NYX: variants seen among roughly 807,000 people sequenced by gnomAD.
NYX encodes the protein leucine-rich repeat protein.
For synonymous variants in NYX, 258 were observed against 245.7 expected (o/e 1.05, Z -0.47); for missense variants, 481 against 485.4 (o/e 0.99, Z 0.09).
intron 2 of NYX, among the ~76,000 whole-genome samples, chrX:41,454,913 T>A (rs1017151532): frequency 1.9e-4 from 21 of 111,021 alleles, no homozygotes; most frequent in Non-Finnish European, 3.6e-4. Context: ...GGCCTCCACA[T>A]GGTCTTTGAA....
chrX:41,453,881 C>T (rs5963989), intron 2 of NYX, among the ~76,000 whole-genome samples: 4,355 of 112,755 alleles, frequency 0.039, 110 homozygotes, highest in African/African-American at 0.093. Flanking sequence ...CTGCTGTGAA[C>T]GTGCATGTGC....
chrX:41,460,858 C>T (rs3013116), intron 2 of NYX, among the ~76,000 whole-genome samples: 23,652 of 83,502 alleles, frequency 0.28, 3,017 homozygotes, highest in South Asian at 0.57. Context: ...TTTATGTAAG[C>T]GGAGTCACAC....
intron 2 of NYX, among the ~76,000 whole-genome samples, chrX:41,453,209 C>T (rs1258457554): frequency 1.8e-5 from 2 of 111,654 alleles, no homozygotes; most frequent in Non-Finnish European, 3.8e-5. Flanking sequence ...AAGCCGAGGG[C>T]TTAGGAAAGA....
chrX:41,473,570 C>A lies in NYX; in HGVS notation c.102C>A (p.Thr34=). 9.9e-7 allele frequency: 1 copy of A among 1,012,519 alleles called. No individual in the cohort carries two copies. The highest frequency in any genetic ancestry group is 2.7e-5 in the South Asian group (1 of 36,414). The allele number at this position is 1,012,519 out of a possible 1,213,427, so 83.4% of individuals were successfully genotyped here. A position where few individuals can be genotyped will look rare whatever the true frequency, so the allele number is the denominator to read the frequency against. The change falls in exon 3 of 3, where the codon ACC becomes ACA. Residue 34 remains threonine (T), a synonymous_variant. Transcript: ENST00000378220. ...GTCCCGCCGCCTGCGCCTGCAGCAC[C>A]GTGGAGCGCGGCTGCTCGGTGCGCT... ...RACPAACACS[T]VERGCSVRCD...
intron 2 of NYX, chrX:41,472,526 T>A (rs111666247): frequency 1.7e-6 from 1 of 597,293 alleles, no homozygotes; most frequent in Non-Finnish European, 2.8e-6. Context: ...TATGGAACAC[T>A]CCTGGATTTC....
chrX:41,464,670 C>CGTGTGT (rs768617215), intron 2 of NYX, among the ~76,000 whole-genome samples: 24,745 of 101,569 alleles, frequency 0.24, 2,417 homozygotes, highest in East Asian at 0.41. Context: ...ATGGGCCGTG[C>CGTGTGT]GTGTGTGTGT....
intron 2 of NYX, among the ~76,000 whole-genome samples, chrX:41,460,222 C>T (rs1233987751): frequency 9.7e-6 from 1 of 103,501 alleles, no homozygotes. Flanking sequence ...GGCTGGAGTG[C>T]GGTGGTGCCA....
In NYX at chrX:41,474,377, C is replaced by T; in HGVS notation, c.909C>T (p.His303=). 1 of 1,208,158 alleles carries T rather than the reference C, an allele frequency of 8.3e-7. No individual in the cohort carries two copies. The highest frequency in any genetic ancestry group is 1.8e-5 in the South Asian group (1 of 57,047). The change falls in exon 3 of 3, where the codon CAC becomes CAT. Residue 303 remains histidine, a synonymous_variant. Transcript: ENST00000378220. ...ACCTCTCGGGTCTCCTCGCGCTGCA[C>T]CTCAACGGCAACCGCCTCACCGTGC... is the stretch of plus-strand genomic sequence containing the variant. ...FQNLSGLLAL[H]LNGNRLTVLA...
At chrX:41,471,848 T>TC in intron 2 of NYX, among the ~76,000 whole-genome samples, 1 of 97,920 alleles carries the variant, frequency 1.0e-5, no homozygotes, top group African/African-American at 3.7e-5. Context: ...TTTTTTTTTT[T>TC]CCCCTGGGGT....
intron 2 of NYX, among the ~76,000 whole-genome samples, chrX:41,464,913 A>G (rs965830269): frequency 9.0e-6 from 1 of 110,985 alleles, no homozygotes; most frequent in African/African-American, 3.3e-5. Context: ...CACTTTGGTT[A>G]ATAACTACTC....
chrX:41,473,770 T>C lies in NYX; in HGVS notation c.302T>C (p.Phe101Ser). 1 of 1,147,457 alleles carries C rather than the reference T, an allele frequency of 8.7e-7. No individual in the cohort carries two copies. Among genetic ancestry groups the C allele is most frequent in the Non-Finnish European group, 1.2e-6 (1 of 869,160 alleles). 94.6% of individuals were successfully genotyped at this position (1,147,457 alleles called of 1,213,427 possible). Residue 101 changes from phenylalanine to serine, a missense_variant, in exon 3 of 3, where the codon TTC becomes TCC. Coordinates refer to ENST00000378220, the MANE Select transcript of NYX (RefSeq NM_001378477.3). ...CTGTCCTTCATCACGCCCGGCGCCTTCAAGGGCCTGCCGCGCCTGGCTGAG... is the reference window on the plus strand; with the variant it reads ...CTGTCCTTCATCACGCCCGGCGCCTCCAAGGGCCTGCCGCGCCTGGCTGAG... ...NNLSFITPGAFKGLPRLAELR... is the reference protein window; with the variant it reads ...NNLSFITPGASKGLPRLAELR...
In NYX at chrX:41,460,876, A is replaced by ATTTTTT. The variant is rs59383905; in HGVS notation, c.23-12590_23-12585dup. On this transcript the variant is annotated intron_variant, in intron 2 of 2. Transcript: ENST00000378220. Reference sequence around the variant, plus strand: ...ATGTAAGCGGAGTCACACAGTATGTATTTTTTTTTTTTTTTTTTTTTTTTT... The same window carrying ATTTTTT: ...ATGTAAGCGGAGTCACACAGTATGTATTTTTTTTTTTTTTTTTTTTTTTTTTTTTTT... Among the ~76,000 whole-genome samples the ATTTTTT allele has an allele frequency of 1.6e-3, 39 of 24,744 alleles. 1 individual carries two copies. The highest frequency in any genetic ancestry group is 2.1e-3 in the Non-Finnish European group (30 of 14,507). The allele number at this position is 24,744 out of a possible 115,157, so 21.5% of individuals were successfully genotyped here.
chrX:41,472,741 AGCCTGG>A (rs2064366946), intron 2 of NYX: 1 of 301,196 alleles, frequency 3.3e-6, no homozygotes, highest in Non-Finnish European at 5.8e-6. Flanking sequence ...CGAGCCGCGG[AGCCTGG>A]GTTCCGCCTG....
At chrX:41,470,694 CA>C (rs554668854) in intron 2 of NYX, among the ~76,000 whole-genome samples, 91 of 57,323 alleles carry the variant, frequency 1.6e-3, no homozygotes, top group Admixed American at 5.4e-3. Context: ...GACTCTGTCT[CA>C]AAAAAAAAAA....
intron 2 of NYX, among the ~76,000 whole-genome samples, chrX:41,463,946 T>C (rs990133864): frequency 4.5e-5 from 5 of 111,936 alleles, no homozygotes; most frequent in South Asian, 3.7e-4. Flanking sequence ...AATTTTCATC[T>C]ACCAGCATTT....
chrX:41,462,377 G>T (rs1180461664), intron 2 of NYX, among the ~76,000 whole-genome samples: 1 of 111,998 alleles, frequency 8.9e-6, no homozygotes. Flanking sequence ...CAACCTCATT[G>T]TTTCCAATTT....
rs747726317 is a variant in NYX, at chrX:41,474,751, C to T, written c.1283C>T (p.Thr428Ile). The change falls in exon 3 of 3, where the codon ACC (threonine) becomes ATC (isoleucine). Residue 428 changes from threonine (T) to isoleucine (I), a missense_variant. Coordinates refer to ENST00000378220, the MANE Select transcript of NYX (RefSeq NM_001378477.3). ...GTCCCGGTGGAGGAGGCGGCCAACA[C>T]CACTGGGGGGCTGGCCAACGCCTCC... ...PRVPVEEAAN[T>I]TGGLANASLS... 8.4e-7 allele frequency: 1 copy of T among 1,193,446 alleles called. No homozygotes were observed. The highest frequency in any genetic ancestry group is 1.8e-5 in the South Asian group (1 of 54,548).
intron 2 of NYX, among the ~76,000 whole-genome samples, chrX:41,456,250 C>T (rs2064298554): frequency 9.0e-6 from 1 of 111,274 alleles, no homozygotes; most frequent in Non-Finnish European, 1.9e-5. Context: ...GCAGGAGAAT[C>T]GCTTGAACCC....
chrX:41,456,414 A>G (rs904231609), intron 2 of NYX, among the ~76,000 whole-genome samples: 3 of 111,435 alleles, frequency 2.7e-5, no homozygotes, highest in African/African-American at 9.8e-5. Context: ...GTTGCAAAGC[A>G]TCTTCTCTAG....
Sources: gnomAD v4.1 joint callset for allele counts (sites outside exome capture counted in the v4.1 genomes callset) on GRCh38, gnomAD v4.1.1 for gene constraint, MANE v1.5 for transcripts, NCBI Gene and HGNC (gene_info 2026-07-23, HGNC 2026-07-21) for gene names.